The following PCDHGA6 variants were observed in gnomAD, a reference collection of about 807,000 sequenced individuals.
PCDHGA6 encodes the protein protocadherin gamma subfamily A, 6, also known as protocadherin gamma-A6.
Under a neutral mutation model 60.6 loss-of-function variants are expected in PCDHGA6, and 41 were observed. The observed-to-expected ratio is 0.68, with a 90% CI of 0.53 to 0.88. PCDHGA6 has a LOEUF of 0.88. Ranked by LOEUF, PCDHGA6 falls within the 40% of genes least tolerant of loss-of-function variation. The probability of loss-of-function intolerance (pLI) is 0.00; values close to 1 mark genes in which losing one functional copy is unlikely to be tolerated. For synonymous variants in PCDHGA6, 594 were observed against 524.4 expected (o/e 1.13, Z -1.81); for missense variants, 1,312 against 1,203.0 (o/e 1.09, Z -1.34).
At chr5:141,501,881 C>T (rs1396427606) in intron 2 of PCDHGA6, among the ~76,000 whole-genome samples, 1 of 152,124 alleles carries the variant, frequency 6.6e-6, no homozygotes, top group East Asian at 1.9e-4. Context: ...CCTTACACTC[C>T]TGATCATCAT....
At position 141,375,721 on chromosome 5, in the gene PCDHGA6, G is replaced by C. The variant is rs1194190814; in HGVS notation, c.1638G>C (p.Val546=). The stretch of plus-strand genomic sequence containing the variant: ...GGGACCCGCCTCTTAGCAGCAACGT[G>C]TCACTGAGCCTGTTTGTGCTGGACC... ...DSGDPPLSSN[V]SLSLFVLDQN... is the part of the protein sequence containing the mutation. Residue 546 remains valine, a synonymous_variant, in exon 1 of 4, where the codon GTG becomes GTC. Transcript: ENST00000517434. The C allele has an allele frequency of 2.5e-6, 4 of 1,614,148 alleles. No homozygotes were observed. In the African/African-American group the frequency reaches 4.0e-5, roughly 16 times the overall value.
At chr5:141,437,659 C>T (rs1006268414) in intron 1 of PCDHGA6, among the ~76,000 whole-genome samples, 10 of 151,870 alleles carry the variant, frequency 6.6e-5, no homozygotes, top group East Asian at 3.9e-4. Context: ...CACATAGTTT[C>T]GAAGAGATGT....
At chr5:141,492,859 C>G (rs966216924) in intron 1 of PCDHGA6, among the ~76,000 whole-genome samples, 1 of 152,232 alleles carries the variant, frequency 6.6e-6, no homozygotes, top group Non-Finnish European at 1.5e-5. Context: ...CTCGAGCGCC[C>G]TGGCTCTCAA....
rs766042374 is a variant in PCDHGA6 at position 141,418,520 on chromosome 5, C to A, written c.2424+42013C>A. ...GACCGCCTTAGATGGTGGGGACCCTCCCCGAAGCGGTACTGCTCAGATAAG... is the reference window on the plus strand; with the variant it reads ...GACCGCCTTAGATGGTGGGGACCCTACCCGAAGCGGTACTGCTCAGATAAG... On this transcript the variant is annotated intron_variant, in intron 1 of 3. Transcript: ENST00000517434. 6 of 1,613,818 alleles carry A rather than the reference C, an allele frequency of 3.7e-6. No individual in the cohort carries two copies. The highest frequency in any genetic ancestry group is 5.1e-6 in the Non-Finnish European group (6 of 1,179,890).
intron 1 of PCDHGA6, chr5:141,392,820 G>C (rs1474865202): frequency 1.3e-6 from 2 of 1,592,748 alleles, no homozygotes; most frequent in Admixed American, 3.6e-5. Context: ...AACAATGGCC[G>C]CTCCACAGAG....
At chr5:141,510,139 G>T (rs931012964) in intron 3 of PCDHGA6, among the ~76,000 whole-genome samples, 1 of 152,136 alleles carries the variant, frequency 6.6e-6, no homozygotes, top group Non-Finnish European at 1.5e-5. Context: ...CTGGGCTAGT[G>T]GTGTGCACCT....
rs149920059 is a variant in PCDHGA6 at position 141,409,848 on chromosome 5, G to A, written c.2424+33341G>A. 8,006 of 1,612,024 alleles carry A rather than the reference G, an allele frequency of 5.0e-3. 45 individuals are homozygous for A. The highest frequency in any genetic ancestry group is 9.5e-3 in the Admixed American group (567 of 59,794). On this transcript the variant is annotated intron_variant, in intron 1 of 3. Transcript: ENST00000517434. ...ACGCTCAGCGCCAACGTGAGCCTGC[G>A]CGTGTTGGTGGGAGACCGCAATGAC... is the stretch of plus-strand genomic sequence containing the variant.
At chr5:141,421,278 G>A (rs764787116) in intron 1 of PCDHGA6, 1 of 1,612,872 alleles carries the variant, frequency 6.2e-7, no homozygotes, top group African/African-American at 1.3e-5. Flanking sequence ...TGCTGCTGCT[G>A]TGCATTTTCC....
In PCDHGA6 at chr5:141,455,477, C is replaced by T. The variant is rs557286491; in HGVS notation, c.2425-39330C>T. On this transcript the variant is annotated intron_variant, in intron 1 of 3. Coordinates refer to ENST00000517434, the MANE Select transcript of PCDHGA6 (RefSeq NM_018919.3). ...TACCAGCCAGGTATATATGCAGAGG[C>T]TGGTGGAGGTGATGTCTGATTTGCA... Among the ~76,000 whole-genome samples the T allele has an allele frequency of 1.2e-4, 18 of 152,252 alleles. No homozygotes were observed. The South Asian group carries it at 3.7e-3, about 32-fold the overall frequency.
chr5:141,480,730 G>A (rs1261461187), intron 1 of PCDHGA6, among the ~76,000 whole-genome samples: 1 of 152,168 alleles, frequency 6.6e-6, no homozygotes, highest in East Asian at 1.9e-4. Flanking sequence ...GTCTCTGGGG[G>A]TGGGACATAG....
At chr5:141,420,391 G>C in intron 1 of PCDHGA6, 1 of 1,270,636 alleles carries the variant, frequency 7.9e-7, no homozygotes, top group Non-Finnish European at 1.0e-6. Flanking sequence ...GCAAAATATA[G>C]GTCAAATTTA....
intron 1 of PCDHGA6, chr5:141,387,615 A>G: frequency 3.5e-6 from 2 of 564,798 alleles, no homozygotes; most frequent in South Asian, 2.4e-5. Flanking sequence ...GTAGTTTCCT[A>G]GTGCTGACTC....
At chr5:141,382,809 C>A in intron 1 of PCDHGA6, 1 of 1,143,884 alleles carries the variant, frequency 8.7e-7, no homozygotes, top group Non-Finnish European at 1.2e-6. Context: ...TTCTGAGCTC[C>A]CCTTCCTAAG....
intron 1 of PCDHGA6, among the ~76,000 whole-genome samples, chr5:141,451,522 A>G (rs1387873094): frequency 6.6e-6 from 1 of 152,200 alleles, no homozygotes; most frequent in Non-Finnish European, 1.5e-5. Flanking sequence ...TAGAGCAAGT[A>G]AAGGAGAGTG....
At chr5:141,382,897 A>G in intron 1 of PCDHGA6, 1 of 1,540,826 alleles carries the variant, frequency 6.5e-7, no homozygotes, top group East Asian at 2.3e-5. Flanking sequence ...AAGCAGGACG[A>G]CTATGGCGGC....
intron 1 of PCDHGA6, chr5:141,427,356 G>A (rs1295421809): frequency 8.7e-6 from 4 of 457,618 alleles, no homozygotes; most frequent in Non-Finnish European, 1.8e-5. Context: ...AACTGAGGAC[G>A]CAGAACCCTG....
chr5:141,428,495 T>C (rs1023405537), intron 1 of PCDHGA6: 3 of 295,346 alleles, frequency 1.0e-5, no homozygotes, highest in African/African-American at 6.5e-5. Flanking sequence ...AATCTGTATG[T>C]TCCCTCGGAT....
In PCDHGA6 at chr5:141,388,268, C is replaced by A; in HGVS notation, c.2424+11761C>A. On this transcript the variant is annotated intron_variant, in intron 1 of 3. Coordinates refer to ENST00000517434, the MANE Select transcript of PCDHGA6 (RefSeq NM_018919.3). ...ATGTGGAGATCGAGGACATTAATGA[C>A]CACACGCCAAAATTCACGCAAAATT... The A allele has an allele frequency of 1.3e-6, 2 of 1,594,084 alleles. No homozygotes were observed. Among genetic ancestry groups the A allele is most frequent in the African/African-American group, 2.9e-5 (2 of 68,850 alleles).
chr5:141,457,480 G>A lies in PCDHGA6; in HGVS notation c.2425-37327G>A, dbSNP rs566798464. ...GATTCACAGGAATAAGCAGGGCCAGGGTTAGTCTAAAATGTAGGCAAAAAG... is the reference window on the plus strand; with the variant it reads ...GATTCACAGGAATAAGCAGGGCCAGAGTTAGTCTAAAATGTAGGCAAAAAG... On this transcript the variant is annotated intron_variant, in intron 1 of 3. Transcript: ENST00000517434. 2.0e-5 allele frequency among the ~76,000 whole-genome samples: 3 copies of A among 152,266 alleles called. No individual in the cohort carries two copies. In the South Asian group the frequency reaches 6.2e-4, roughly 32 times the overall value.
Sources: allele counts gnomAD v4.1 joint callset (sites outside exome capture counted in the v4.1 genomes callset), GRCh38; gene constraint gnomAD v4.1.1; transcripts MANE v1.5; gene names NCBI Gene and HGNC (gene_info 2026-07-23, HGNC 2026-07-21).